Variants in PCDHA2 observed in about 807,000 individuals in gnomAD.
PCDHA2 encodes the protein protocadherin alpha-2.
Under a neutral mutation model 66.0 loss-of-function variants are expected in PCDHA2, and 58 were observed. The observed-to-expected ratio is 0.88, with a 90% confidence interval of 0.71 to 1.09. The LOEUF is 1.09. Among genes scored for constraint, PCDHA2 ranks in the 50% least tolerant of loss-of-function variants. The probability of loss-of-function intolerance (pLI) is 0.00; values close to 1 mark genes in which losing one functional copy is unlikely to be tolerated. For synonymous variants in PCDHA2, 634 were observed against 554.0 expected, an observed-to-expected ratio of 1.14 and a Z score of -2.03; for missense variants, 1,267 against 1,242.3, an observed-to-expected ratio of 1.02 and a Z score of -0.30.
At chr5:140,985,127 C>T (rs986497777) in intron 3 of PCDHA2, among the ~76,000 whole-genome samples, 7 of 152,152 alleles carry the variant, frequency 4.6e-5, no homozygotes, top group Non-Finnish European at 1.0e-4. Flanking sequence ...TTAGTAAAGA[C>T]GGGGTTTCAC....
chr5:140,870,286 A>C, intron 1 of PCDHA2: 1 of 1,614,124 alleles, frequency 6.2e-7, no homozygotes, highest in Non-Finnish European at 8.5e-7. Context: ...CGTTCCCTTC[A>C]AGCTGGTGTC....
At chr5:140,823,895 C>T (rs1767916685) in intron 1 of PCDHA2, 4 of 1,613,856 alleles carry the variant, frequency 2.5e-6, no homozygotes, top group Non-Finnish European at 3.4e-6. Flanking sequence ...TGTGCGGTGT[C>T]CAGCCTGCTG....
At chr5:140,882,164 C>A in intron 1 of PCDHA2, 1 of 1,509,950 alleles carries the variant, frequency 6.6e-7, no homozygotes, top group Non-Finnish European at 8.9e-7. Flanking sequence ...ATACCTCTTG[C>A]GAATCCTTCC....
intron 3 of PCDHA2, among the ~76,000 whole-genome samples, chr5:140,991,686 A>G (rs2097465682): frequency 6.6e-6 from 1 of 152,196 alleles, no homozygotes; most frequent in Non-Finnish European, 1.5e-5. Context: ...AGTCCTCTCT[A>G]GTAGAGCCAT....
At chr5:140,898,543 A>G (rs1284006764) in intron 1 of PCDHA2, among the ~76,000 whole-genome samples, 2 of 152,224 alleles carry the variant, frequency 1.3e-5, no homozygotes, top group East Asian at 3.9e-4. Flanking sequence ...TGTTCCATTT[A>G]TCTATGTCTC....
At chr5:140,943,070 A>G (rs2093413648) in intron 1 of PCDHA2, among the ~76,000 whole-genome samples, 2 of 152,004 alleles carry the variant, frequency 1.3e-5, no homozygotes, top group Non-Finnish European at 2.9e-5. Context: ...CAGCCTGACC[A>G]ACATGGTGAA....
chr5:140,884,515 G>GCCTCTGATAAGCACAA, intron 1 of PCDHA2: 1 of 1,614,174 alleles, frequency 6.2e-7, no homozygotes. Flanking sequence ...GGAGTTGGTC[G>GCCTCTGATAAGCACAA]TACTCGCAGC....
rs2150154189 is a variant in PCDHA2, at chr5:140,828,336, G to A, written c.2388+30984G>A. 2 of 1,614,120 alleles carry A rather than the reference G, an allele frequency of 1.2e-6. No individual in the cohort carries two copies. Among genetic ancestry groups the A allele is most frequent in the Non-Finnish European group, 1.7e-6 (2 of 1,180,060 alleles). ...CTTCTGGAGGTAAATCTGCAGAATGGCATTTTGTTTGTGAATTCTCGGATC... is the reference window on the plus strand; with the variant it reads ...CTTCTGGAGGTAAATCTGCAGAATGACATTTTGTTTGTGAATTCTCGGATC... On this transcript the variant is annotated intron_variant, in intron 1 of 3. Transcript: ENST00000526136.
Position 140,807,113 on chromosome 5 carries a change from T to C in PCDHA2, c.2388+9761T>C, listed in dbSNP as rs902550795. On this transcript the variant is annotated intron_variant, in intron 1 of 3. Coordinates refer to ENST00000526136, the MANE Select transcript of PCDHA2 (RefSeq NM_018905.3). ...GAAATATGGAGGATGCAGCTGCACT[T>C]GACTGACCGATTAAAAGATTTCCCT... The C allele has an allele frequency of 2.6e-5, 40 of 1,517,878 alleles. No individual in the cohort carries two copies. In the Admixed American group the frequency reaches 7.4e-4, roughly 28 times the overall value. The allele number at this position is 1,517,878 out of a possible 1,614,324, so 94.0% of individuals were successfully genotyped here.
intron 1 of PCDHA2, chr5:140,816,567 T>G (rs1765950610): frequency 6.6e-6 from 1 of 151,966 alleles, no homozygotes; most frequent in African/African-American, 2.4e-5. Flanking sequence ...ATGTTTCCTG[T>G]TTTCTCATAT....
At chr5:140,871,456 G>A (rs782153529) in intron 1 of PCDHA2, 2 of 1,607,284 alleles carry the variant, frequency 1.2e-6, no homozygotes, top group East Asian at 4.5e-5. Context: ...AGAGGAGGAA[G>A]GGGAAAGACA....
At chr5:140,805,047 C>A in intron 1 of PCDHA2, 2 of 1,590,192 alleles carry the variant, frequency 1.3e-6, no homozygotes, top group Non-Finnish European at 1.7e-6. Context: ...AGCCAAAGTA[C>A]TTGTCTTCCC....
At chr5:140,982,159 G>A (rs1466298378) in intron 2 of PCDHA2, among the ~76,000 whole-genome samples, 1 of 152,262 alleles carries the variant, frequency 6.6e-6, no homozygotes, top group African/African-American at 2.4e-5. Flanking sequence ...GTATCGAGAT[G>A]TTAAAATGGC....
chr5:140,843,397 G>A lies in PCDHA2; in HGVS notation c.2388+46045G>A, dbSNP rs2150359226. 4 of 1,596,068 alleles carry A rather than the reference G, an allele frequency of 2.5e-6. No homozygotes were observed. In the East Asian group the frequency reaches 6.7e-5, roughly 27 times the overall value. On this transcript the variant is annotated intron_variant, in intron 1 of 3. Coordinates refer to ENST00000526136, the MANE Select transcript of PCDHA2 (RefSeq NM_018905.3). ...CTGGCGTTTTGGGTCCGGAAGCGGC[G>A]CTGGTGGATGTCAACGTGTACCTGA... is the stretch of plus-strand genomic sequence containing the variant.
chr5:140,917,483 G>C (rs1237773555), intron 1 of PCDHA2, among the ~76,000 whole-genome samples: 1 of 152,152 alleles, frequency 6.6e-6, no homozygotes, highest in Non-Finnish European at 1.5e-5. Flanking sequence ...CTTTGCCAGG[G>C]CCTATGCCCA....
intron 1 of PCDHA2, chr5:140,808,738 G>C (rs571920804): frequency 6.2e-7 from 1 of 1,612,030 alleles, no homozygotes; most frequent in African/African-American, 1.3e-5. Context: ...GCGGCAAGGT[G>C]TACGCGCTGC....
chr5:140,877,155 C>G (rs782559744), intron 1 of PCDHA2: 21 of 1,613,680 alleles, frequency 1.3e-5, no homozygotes, highest in Non-Finnish European at 1.8e-5. Flanking sequence ...AGAACGACAA[C>G]GCGCCGGCAC....
chr5:140,870,566 T>C (rs1554164425), intron 1 of PCDHA2: 7 of 1,613,980 alleles, frequency 4.3e-6, no homozygotes, highest in Admixed American at 3.3e-5. Flanking sequence ...GAGAACGCGC[T>C]GGTGTCCTAC....
In PCDHA2 at chr5:141,010,257, G is replaced by T; in HGVS notation, c.*320G>T. On this transcript the variant is annotated 3_prime_UTR_variant, in exon 4 of 4. Coordinates refer to ENST00000526136, the MANE Select transcript of PCDHA2 (RefSeq NM_018905.3). ...AGTGAGAGGTTGGACTCTCTGCCCT[G>T]TGCTCCGGGGATCCTGTCTTGATGA... 6.4e-7 allele frequency: 1 copy of T among 1,551,794 alleles called. No homozygotes were observed. The highest frequency in any genetic ancestry group is 8.7e-7 in the Non-Finnish European group (1 of 1,147,016).
Sources: gnomAD v4.1 joint callset for allele counts (sites outside exome capture counted in the v4.1 genomes callset) on GRCh38, gnomAD v4.1.1 for gene constraint, MANE v1.5 for transcripts, NCBI Gene and HGNC (gene_info 2026-07-23, HGNC 2026-07-21) for gene names.